PAGE2B: variants seen among roughly 807,000 people sequenced by gnomAD.
PAGE2B encodes the protein putative G antigen family E member 3.
In PAGE2B, 5 loss-of-function variants were observed where a neutral mutation model predicts 7.6. The ratio of observed to expected loss-of-function variants is 0.66; its 90% confidence interval spans 0.34 to 1.38. The LOEUF (loss-of-function observed/expected upper bound fraction) is 1.38, where lower values mean the gene tolerates loss of function less well. Ranked by LOEUF, PAGE2B falls within the 40% of genes most tolerant of loss-of-function variation. The pLI, the probability that PAGE2B is intolerant of heterozygous loss-of-function variation, is 0.04. For synonymous variants in PAGE2B, 29 were observed against 26.7 expected (o/e 1.09, Z -0.27); for missense variants, 70 against 78.4 (o/e 0.89, Z 0.41).
At chrX:55,068,486 T>A in the PAGE2B span, among the ~76,000 whole-genome samples, 1 of 112,121 alleles carries the variant, frequency 8.9e-6, no homozygotes, top group Non-Finnish European at 1.9e-5. Flanking sequence ...TCTCCAGCTT[T>A]GTTCTTTCTG....
At chrX:55,043,490 A>G in the PAGE2B span, among the ~76,000 whole-genome samples, 1 of 110,638 alleles carries the variant, frequency 9.0e-6, no homozygotes, top group Admixed American at 9.7e-5. Context: ...ACAAATCAGC[A>G]AGAAAAAAAA....
chrX:55,032,593 A>T, the PAGE2B span, among the ~76,000 whole-genome samples: 1 of 111,755 alleles, frequency 8.9e-6, no homozygotes, highest in Non-Finnish European at 1.9e-5. Flanking sequence ...GATCTCTCAT[A>T]TATAAAATGG....
In PAGE2B at chrX:55,077,405, A is replaced by C; in HGVS notation, c.200A>C (p.Asp67Ala). 1 of 1,210,529 alleles carries C rather than the reference A, an allele frequency of 8.3e-7. No individual in the cohort carries two copies. Among genetic ancestry groups the C allele is most frequent in the South Asian group, 1.8e-5 (1 of 56,566 alleles). ...NEGAPAVQGPDMEAFQQELAL... is the reference protein window; with the variant it reads ...NEGAPAVQGPAMEAFQQELAL... ...GACCTTTTTATCTTTTAAGGGCCTG[A>C]CATGGAAGCTTTTCAACAGGAACTG... The change falls in exon 4 of 5, where the codon GAC becomes GCC. Residue 67 changes from aspartate to alanine, a missense_variant. Transcript: ENST00000374971.
At chrX:55,071,959 C>G (rs765081214), upstream of PAGE2B, among the ~76,000 whole-genome samples, 1 of 111,715 alleles carries the variant, frequency 9.0e-6, no homozygotes, top group East Asian at 2.8e-4. Flanking sequence ...TTCCTGTAAC[C>G]TTTTGTCAAG....
chrX:55,074,330 A>G (rs181815729), upstream of PAGE2B, among the ~76,000 whole-genome samples: 13 of 112,429 alleles, frequency 1.2e-4, no homozygotes, highest in Middle Eastern at 9.2e-3. Flanking sequence ...GGAGAAATCA[A>G]TGAGGGAGGG....
chrX:55,062,718 G>A, the PAGE2B span, among the ~76,000 whole-genome samples: 1 of 111,729 alleles, frequency 9.0e-6, no homozygotes. Context: ...TCCTTTGGTG[G>A]TTTCATAGTC....
chrX:55,036,349 T>C, the PAGE2B span, among the ~76,000 whole-genome samples: 3 of 110,336 alleles, frequency 2.7e-5, no homozygotes, highest in East Asian at 5.7e-4. Context: ...TGAATAGGAG[T>C]GGTGAGAGAG....
At chrX:55,029,362 C>T in the PAGE2B span, among the ~76,000 whole-genome samples, 1 of 111,651 alleles carries the variant, frequency 9.0e-6, no homozygotes, top group Non-Finnish European at 1.9e-5. Context: ...TGTGCCAGGC[C>T]GTGTTCTCAT....
the PAGE2B span, among the ~76,000 whole-genome samples, chrX:55,045,946 G>A: frequency 1.8e-5 from 2 of 111,266 alleles, no homozygotes; most frequent in African/African-American, 6.5e-5. Context: ...AACATAAGAA[G>A]TCTGTCCTTG....
rs1468658727 is a variant in PAGE2B, at chrX:55,077,403, T to G, written c.198T>G (p.Pro66=). 13 of 1,209,039 alleles carry G rather than the reference T, an allele frequency of 1.1e-5. No homozygotes were observed. The highest frequency in any genetic ancestry group is 1.7e-5 in the African/African-American group (1 of 57,165). ...ENEGAPAVQG[P]DMEAFQQELA... is the part of the protein sequence containing the mutation. Reference sequence around the variant, plus strand: ...ATGACCTTTTTATCTTTTAAGGGCCTGACATGGAAGCTTTTCAACAGGAAC... The same window carrying G: ...ATGACCTTTTTATCTTTTAAGGGCCGGACATGGAAGCTTTTCAACAGGAAC... Residue 66 remains proline (P), a synonymous_variant, in exon 4 of 5, where the codon CCT becomes CCG. Transcript: ENST00000374971.
At chrX:55,068,257 G>A in the PAGE2B span, among the ~76,000 whole-genome samples, 59 of 110,576 alleles carry the variant, frequency 5.3e-4, no homozygotes, top group African/African-American at 1.3e-3. Flanking sequence ...CAGTTTCAGC[G>A]GCTAGCCAGT....
the PAGE2B span, among the ~76,000 whole-genome samples, chrX:55,066,950 A>G: frequency 9.0e-6 from 1 of 111,521 alleles, no homozygotes; most frequent in African/African-American, 3.3e-5. Context: ...TATTTTCTAA[A>G]TCTTTTAGGC....
At chrX:55,041,294 G>A in the PAGE2B span, among the ~76,000 whole-genome samples, 1 of 108,939 alleles carries the variant, frequency 9.2e-6, no homozygotes, top group Non-Finnish European at 1.9e-5. Context: ...TGTTAGCCAG[G>A]ATGGTCTCGA....
At chrX:55,033,137 G>C in the PAGE2B span, among the ~76,000 whole-genome samples, 1 of 111,835 alleles carries the variant, frequency 8.9e-6, no homozygotes, top group African/African-American at 3.3e-5. Context: ...ATTGACTAGG[G>C]GGGCTGTCAG....
chrX:55,075,398 ACTC>A (rs1260693773), intron 1 of PAGE2B, among the ~76,000 whole-genome samples: 2 of 108,736 alleles, frequency 1.8e-5, no homozygotes, highest in Non-Finnish European at 3.8e-5. Flanking sequence ...AGTCTCGAAA[ACTC>A]CTGGAACCCT....
chrX:55,037,618 C>T, the PAGE2B span, among the ~76,000 whole-genome samples: 1 of 110,547 alleles, frequency 9.0e-6, no homozygotes, highest in Non-Finnish European at 1.9e-5. Flanking sequence ...TTTATTGCGG[C>T]ACTATTCACA....
the PAGE2B span, among the ~76,000 whole-genome samples, chrX:55,040,336 T>A: frequency 9.5e-6 from 1 of 104,891 alleles, no homozygotes; most frequent in Non-Finnish European, 1.9e-5. Context: ...TTCCCCACCC[T>A]GTGTCCAAGT....
chrX:55,066,740 G>A, the PAGE2B span, among the ~76,000 whole-genome samples: 1 of 111,290 alleles, frequency 9.0e-6, no homozygotes, highest in Non-Finnish European at 1.9e-5. Context: ...TTGGAAGTTT[G>A]ATTATTAAAT....
At chrX:55,062,107 A>G in the PAGE2B span, among the ~76,000 whole-genome samples, 1 of 111,608 alleles carries the variant, frequency 9.0e-6, no homozygotes, top group South Asian at 3.8e-4. Context: ...TTTTGGGTAT[A>G]TACCTGGGAA....
Sources: gnomAD v4.1 joint callset for allele counts (sites outside exome capture counted in the v4.1 genomes callset) on GRCh38, gnomAD v4.1.1 for gene constraint, MANE v1.5 for transcripts, NCBI Gene and HGNC (gene_info 2026-07-23, HGNC 2026-07-21) for gene names.